Variants in EEFSEC observed in about 807,000 individuals in gnomAD.
The protein encoded by EEFSEC is eukaryotic elongation factor, selenocysteine-tRNA specific.
In EEFSEC, 43 loss-of-function variants were observed where a neutral mutation model predicts 42.1. The observed-to-expected ratio is 1.02, with a 90% CI of 0.80 to 1.32. The LOEUF (loss-of-function observed/expected upper bound fraction) is 1.32, where lower values mean the gene tolerates loss of function less well. Among genes scored for constraint, EEFSEC ranks in the 40% most tolerant of loss-of-function variants. The pLI, the probability that EEFSEC is intolerant of heterozygous loss-of-function variation, is 0.00. For synonymous variants in EEFSEC, 354 were observed against 339.1 expected, an observed-to-expected ratio of 1.04 and a Z score of -0.48; for missense variants, 745 against 803.6, an observed-to-expected ratio of 0.93 and a Z score of 0.88.
the EEFSEC span, among the ~76,000 whole-genome samples, chr3:128,421,682 G>A: frequency 1.6e-4 from 24 of 149,506 alleles, no homozygotes; most frequent in African/African-American, 4.8e-4. Flanking sequence ...TGAGCGGGGT[G>A]GGGGGGCGCA....
intron 6 of EEFSEC, among the ~76,000 whole-genome samples, chr3:128,405,928 AC>A (rs2068104127): frequency 6.6e-6 from 1 of 151,968 alleles, no homozygotes; most frequent in South Asian, 2.1e-4. Flanking sequence ...GGCTGCCTTC[AC>A]CCCCACCTGC....
At chr3:128,173,479 G>A (rs554048926) in intron 1 of EEFSEC, among the ~76,000 whole-genome samples, 3 of 152,168 alleles carry the variant, frequency 2.0e-5, no homozygotes, top group Admixed American at 6.5e-5. Flanking sequence ...CGTGAATGGC[G>A]CACCGGAGAG....
chr3:128,334,361 C>T (rs2067167069), intron 4 of EEFSEC, among the ~76,000 whole-genome samples: 1 of 152,216 alleles, frequency 6.6e-6, no homozygotes. Context: ...TTCAATCACT[C>T]AGGAGCCACA....
intron 1 of EEFSEC, among the ~76,000 whole-genome samples, chr3:128,173,927 G>T (rs533183369): frequency 5.1e-4 from 77 of 152,280 alleles, no homozygotes; most frequent in Non-Finnish European, 1.0e-3. Flanking sequence ...GTGCTTCAGG[G>T]GCTTGGCCTG....
chr3:128,238,909 GT>G (rs2066041128), intron 1 of EEFSEC, among the ~76,000 whole-genome samples: 1 of 152,188 alleles, frequency 6.6e-6, no homozygotes, highest in Non-Finnish European at 1.5e-5. Flanking sequence ...GGTCCACGTG[GT>G]ATGGCATATC....
At chr3:128,232,608 A>G (rs926134555) in intron 1 of EEFSEC, among the ~76,000 whole-genome samples, 2 of 152,376 alleles carry the variant, frequency 1.3e-5, no homozygotes, top group East Asian at 3.9e-4. Context: ...GAAACTGTAC[A>G]TTTTAAGGAA....
chr3:128,303,888 C>G (rs988041794), intron 4 of EEFSEC, among the ~76,000 whole-genome samples: 9 of 152,066 alleles, frequency 5.9e-5, no homozygotes, highest in Non-Finnish European at 1.2e-4. Flanking sequence ...CTTTATTTTC[C>G]CATGTTAACT....
At chr3:128,256,176 G>C (rs2066239887) in intron 2 of EEFSEC, among the ~76,000 whole-genome samples, 1 of 152,104 alleles carries the variant, frequency 6.6e-6, no homozygotes, top group Non-Finnish European at 1.5e-5. Context: ...TCTCAAATTG[G>C]TACTGTTGTG....
chr3:128,315,599 T>A (rs1576630963), intron 4 of EEFSEC, among the ~76,000 whole-genome samples: 1 of 151,534 alleles, frequency 6.6e-6, no homozygotes. Flanking sequence ...AGGGAGGGAG[T>A]CTACCATTGG....
intron 4 of EEFSEC, among the ~76,000 whole-genome samples, chr3:128,284,888 C>T (rs928971556): frequency 1.2e-4 from 18 of 151,766 alleles, no homozygotes; most frequent in Admixed American, 1.0e-3. Context: ...TAACCTTAAG[C>T]GTTTAACCAG....
intron 3 of EEFSEC, among the ~76,000 whole-genome samples, chr3:128,262,936 G>T (rs1338312159): frequency 2.0e-5 from 3 of 152,188 alleles, no homozygotes; most frequent in Non-Finnish European, 4.4e-5. Flanking sequence ...TCTGGGGCTG[G>T]ACTGTGGTTC....
chr3:128,422,020 G>C, the EEFSEC span, among the ~76,000 whole-genome samples: 1 of 152,172 alleles, frequency 6.6e-6, no homozygotes, highest in East Asian at 1.9e-4. Context: ...CAGCTCTGGG[G>C]CAGTCGTGAA....
At chr3:128,190,311 G>A (rs777364154) in intron 1 of EEFSEC, among the ~76,000 whole-genome samples, 1 of 152,254 alleles carries the variant, frequency 6.6e-6, no homozygotes, top group Non-Finnish European at 1.5e-5. Context: ...GGAACAAGAT[G>A]TATGAGGTGG....
chr3:128,266,155 A>G (rs576837196), intron 4 of EEFSEC, among the ~76,000 whole-genome samples: 2 of 152,316 alleles, frequency 1.3e-5, no homozygotes, highest in East Asian at 3.9e-4. Context: ...TATAGGGGTC[A>G]TCTGCTTTAC....
the EEFSEC span, among the ~76,000 whole-genome samples, chr3:128,414,265 G>T: frequency 0.68 from 102,936 of 152,042 alleles, 37,561 homozygotes; most frequent in East Asian, 1. Flanking sequence ...GGGGCTCTCT[G>T]GAGCTTTCTC....
chr3:128,186,184 G>A (rs1163235756), intron 1 of EEFSEC, among the ~76,000 whole-genome samples: 1 of 152,048 alleles, frequency 6.6e-6, no homozygotes, highest in Non-Finnish European at 1.5e-5. Flanking sequence ...TTCCCTGATG[G>A]TGAGTGATAT....
intron 4 of EEFSEC, among the ~76,000 whole-genome samples, chr3:128,339,079 C>T (rs1196569259): frequency 6.6e-6 from 1 of 151,956 alleles, no homozygotes; most frequent in Non-Finnish European, 1.5e-5. Flanking sequence ...TGATATTCTC[C>T]AGTGACTCTG....
intron 2 of EEFSEC, among the ~76,000 whole-genome samples, chr3:128,256,431 C>T (rs533861287): frequency 5.6e-4 from 85 of 152,276 alleles, no homozygotes; most frequent in African/African-American, 1.6e-3. Context: ...AAAACATATA[C>T]GTGCATATTT....
downstream of EEFSEC, among the ~76,000 whole-genome samples, chr3:128,410,295 C>A (rs977770456): frequency 6.6e-6 from 1 of 152,228 alleles, no homozygotes; most frequent in African/African-American, 2.4e-5. Flanking sequence ...CCCTCAGAGT[C>A]CCTGCACATT....
Sources: allele counts gnomAD v4.1 joint callset (sites outside exome capture counted in the v4.1 genomes callset), GRCh38; gene constraint gnomAD v4.1.1; transcripts MANE v1.5; gene names NCBI Gene and HGNC (gene_info 2026-07-23, HGNC 2026-07-21).